Variants in PLEKHG4B observed in about 807,000 individuals in gnomAD.
PLEKHG4B encodes pleckstrin homology and RhoGEF domain containing G4B, also known as pleckstrin homology domain-containing family G member 4B.
Under a neutral mutation model 121.3 loss-of-function variants are expected in PLEKHG4B, and 111 were observed. That is an observed-to-expected ratio of 0.92 (90% confidence interval 0.78 to 1.07). The LOEUF (loss-of-function observed/expected upper bound fraction) is 1.07, where lower values mean the gene tolerates loss of function less well. Among genes scored for constraint, PLEKHG4B ranks in the 50% least tolerant of loss-of-function variants. PLEKHG4B has a pLI of 0.00. For missense variants in PLEKHG4B, 1,831 were observed against 1,757.8 expected, an observed-to-expected ratio of 1.04 and a Z score of -0.74; for synonymous variants, 738 against 725.0, an observed-to-expected ratio of 1.02 and a Z score of -0.29.
At position 144,364 on chromosome 5, in the gene PLEKHG4B, A is replaced by C. The variant is rs144327172; in HGVS notation, c.1812-463A>C. 7.7e-4 allele frequency among the ~76,000 whole-genome samples: 118 copies of C among 152,352 alleles called. 3 individuals carry two copies. The highest frequency in any genetic ancestry group is 2.8e-3 in the African/African-American group (117 of 41,596). On this transcript the variant is annotated intron_variant, in intron 5 of 19. Transcript: ENST00000637938. ...TTTTAGTTTTAAAAGATGTTCTAAC[A>C]GTCTTAGCTTGGCTCTGGATAAGTA... is the stretch of plus-strand genomic sequence containing the variant.
At chr5:100,531 A>T (rs341253) in intron 1 of PLEKHG4B, among the ~76,000 whole-genome samples, 2 of 52,906 alleles carry the variant, frequency 3.8e-5, no homozygotes, top group African/African-American at 1.4e-4. Context: ...GTTGTGAGGT[A>T]AATCCATATA....
At chr5:168,811 A>C (rs1280752019) in intron 13 of PLEKHG4B, among the ~76,000 whole-genome samples, 3 of 151,010 alleles carry the variant, frequency 2.0e-5, no homozygotes, top group Non-Finnish European at 2.9e-5. Context: ...GAATGAGTGG[A>C]GGTGCAGGTG....
In PLEKHG4B at chr5:163,005, A is replaced by T; in HGVS notation, c.2933A>T (p.Glu978Val). The change falls in exon 13 of 20, where the codon GAG becomes GTG. Residue 978 changes from glutamate to valine, a missense_variant. Physicochemically the swap from Glu to Val is moderately radical, Grantham distance 121. Transcript: ENST00000637938. Reference sequence around the variant, plus strand: ...CTTGCCCAGAGCCCCCCAAAGCATGAGCGTGCCCAGGAGGCCATGAGGAGG... The same window carrying T: ...CTTGCCCAGAGCCCCCCAAAGCATGTGCGTGCCCAGGAGGCCATGAGGAGG... ...PPLAQSPPKH[E>V]RAQEAMRRHQ... 6.4e-7 allele frequency: 1 copy of T among 1,565,542 alleles called. No individual in the cohort carries two copies. Among genetic ancestry groups the T allele is most frequent in the African/African-American group, 1.4e-5 (1 of 73,790 alleles).
chr5:148,344 C>CAAAA (rs71590513), intron 6 of PLEKHG4B, among the ~76,000 whole-genome samples: 11 of 94,350 alleles, frequency 1.2e-4, no homozygotes, highest in African/African-American at 3.7e-4. Context: ...AACAGTTCCA[C>CAAAA]AAAAAAAAAA....
rs1247601828 is a variant in PLEKHG4B at position 156,610 on chromosome 5, A to T, written c.2349-163A>T. ...GCCAGGATGTTGGCAGAACGCATGGAGCACATCTGTGCCCCGCCTCGGTTG... is the reference window on the plus strand; with the variant it reads ...GCCAGGATGTTGGCAGAACGCATGGTGCACATCTGTGCCCCGCCTCGGTTG... On this transcript the variant is annotated intron_variant, in intron 10 of 19. Coordinates refer to ENST00000637938, the MANE Select transcript of PLEKHG4B (RefSeq NM_052909.5). This position sits in a 1 kb window ranked among gnomAD's most constrained non-coding sequence, Gnocchi z 4.4. Among the ~76,000 whole-genome samples, 1 of 151,960 alleles carries T rather than the reference A, an allele frequency of 6.6e-6. No homozygotes were observed. The highest frequency in any genetic ancestry group is 1.5e-5 in the Non-Finnish European group (1 of 67,986).
intron 3 of PLEKHG4B, among the ~76,000 whole-genome samples, chr5:142,486 TCA>T (rs368864795): frequency 9.1e-4 from 135 of 148,882 alleles, no homozygotes; most frequent in African/African-American, 3.0e-3. Context: ...GTTACACATA[TCA>T]CACACGCAGT....
At chr5:141,858 C>T (rs907487235) in intron 3 of PLEKHG4B, among the ~76,000 whole-genome samples, 2 of 152,074 alleles carry the variant, frequency 1.3e-5, no homozygotes, top group Admixed American at 6.5e-5. Flanking sequence ...AGGCTGAGCC[C>T]TCCTTTCCGT....
intron 14 of PLEKHG4B, 134 bp downstream of exon 14, chr5:169,726 G>T: frequency 1.5e-6 from 2 of 1,353,414 alleles, no homozygotes; most frequent in Non-Finnish European, 2.0e-6. Context: ...GGTCCTGACA[G>T]GATGTTAAGA....
chr5:124,861 T>C (rs996502654), intron 2 of PLEKHG4B, among the ~76,000 whole-genome samples: 37 of 152,196 alleles, frequency 2.4e-4, no homozygotes, highest in African/African-American at 8.9e-4. Flanking sequence ...AGGCTGGGTG[T>C]GGTGGCTCAC....
At chr5:155,975 T>C (rs1472276947) in intron 9 of PLEKHG4B, 96 bp from the exon 10 acceptor site, 2 of 1,263,660 alleles carry the variant, frequency 1.6e-6, no homozygotes, top group African/African-American at 3.1e-5. Flanking sequence ...TGCAGCTTGA[T>C]TTATGGAAAC....
intron 18 of PLEKHG4B, among the ~76,000 whole-genome samples, chr5:177,110 TTTAA>T (rs1736782105): frequency 6.6e-6 from 1 of 152,266 alleles, no homozygotes; most frequent in South Asian, 2.1e-4. Context: ...TTACTTTCTA[TTTAA>T]TTAATTTCTA....
chr5:167,536 C>T (rs975697733), intron 13 of PLEKHG4B, among the ~76,000 whole-genome samples: 5 of 138,320 alleles, frequency 3.6e-5, no homozygotes, highest in Non-Finnish European at 8.4e-5. Flanking sequence ...AGAAAAGCAA[C>T]GCACCTCACT....
At chr5:119,052 C>T (rs1045639234) in intron 2 of PLEKHG4B, among the ~76,000 whole-genome samples, 5 of 151,854 alleles carry the variant, frequency 3.3e-5, no homozygotes, top group African/African-American at 4.8e-5. Flanking sequence ...TAGAGATGGG[C>T]TTTCAGTATG....
rs867128255 is a variant in PLEKHG4B at position 101,657 on chromosome 5, T to C, written c.45+9381T>C. ...GTTGTGAGGTTAATCCATATAAAGC[T>C]CTGGAAAAAGCCTGTAGGGGAGAGA... is the stretch of plus-strand genomic sequence containing the variant. On this transcript the variant is annotated intron_variant, in intron 1 of 19. Transcript: ENST00000637938. Among the ~76,000 whole-genome samples, 239 of 79,996 alleles carry C rather than the reference T, an allele frequency of 3.0e-3. 1 individual carries two copies. The highest frequency in any genetic ancestry group is 7.9e-3 in the African/African-American group (116 of 14,694). 52.5% of individuals were successfully genotyped at this position (79,996 alleles called of 152,430 possible). A position where few individuals can be genotyped will look rare whatever the true frequency, so the allele number is the denominator to read the frequency against.
At chr5:169,319 C>CG (rs765258145) in intron 13 of PLEKHG4B, 21 bp from the exon 14 acceptor site, 13 of 1,612,608 alleles carry the variant, frequency 8.1e-6, no homozygotes, top group Non-Finnish European at 1.1e-5. Context: ...GTGTGCCCCC[C>CG]GGGATCTCTG....
At chr5:171,468 C>A (rs770840433) in intron 16 of PLEKHG4B, 24 bp downstream of exon 16, 1 of 1,547,656 alleles carries the variant, frequency 6.5e-7, no homozygotes, top group Non-Finnish European at 8.7e-7. Context: ...ACGCTGGCAG[C>A]TCAGGCAAGC....
At chr5:154,770 T>C (rs1460575500) in intron 7 of PLEKHG4B, 105 bp from the exon 8 acceptor site, 2 of 855,724 alleles carry the variant, frequency 2.3e-6, no homozygotes, top group East Asian at 2.4e-5. Context: ...CGATACTCCT[T>C]GAGCCAGCCT....
Position 159,223 on chromosome 5 carries a change from C to G in PLEKHG4B, c.2487+2312C>G, listed in dbSNP as rs927500143. 8.7e-6 allele frequency among the ~76,000 whole-genome samples: 1 copy of G among 114,502 alleles called. No individual in the cohort carries two copies. The highest frequency in any genetic ancestry group is 7.8e-5 in the Admixed American group (1 of 12,802). The allele number at this position is 114,502 out of a possible 152,430, so 75.1% of individuals were successfully genotyped here. On this transcript the variant is annotated intron_variant, in intron 11 of 19. Transcript: ENST00000637938. The surrounding 1 kb of genome is among the most constrained non-coding windows in gnomAD (Gnocchi z 5.5). ...GGGTGGCCCAGGTGTGCCTGAGGGTCGCCCAGGTGCACTGAGGGCAGGTGT... is the reference window on the plus strand; with the variant it reads ...GGGTGGCCCAGGTGTGCCTGAGGGTGGCCCAGGTGCACTGAGGGCAGGTGT...
intron 2 of PLEKHG4B, among the ~76,000 whole-genome samples, chr5:131,247 C>T (rs1481838653): frequency 6.6e-6 from 1 of 152,068 alleles, no homozygotes; most frequent in Non-Finnish European, 1.5e-5. Flanking sequence ...TCTCCTAATG[C>T]TATCCCTCCC....
Sources: allele counts gnomAD v4.1 joint callset (sites outside exome capture counted in the v4.1 genomes callset), GRCh38; gene constraint gnomAD v4.1.1; non-coding constraint Gnocchi (gnomAD v3.1); transcripts MANE v1.5; gene names NCBI Gene and HGNC (gene_info 2026-07-23, HGNC 2026-07-21).